SLC44A5: variants seen among roughly 807,000 people sequenced by gnomAD.
SLC44A5 encodes the protein choline transporter-like protein 5.
In SLC44A5, 57 loss-of-function variants were observed where a neutral mutation model predicts 101.8. The ratio of observed to expected loss-of-function variants is 0.56; its 90% CI spans 0.45 to 0.70. The LOEUF (loss-of-function observed/expected upper bound fraction) is 0.70, where lower values mean the gene tolerates loss of function less well. Ranked by LOEUF, SLC44A5 falls within the 30% of genes least tolerant of loss-of-function variation. The pLI is 0.00. For synonymous variants in SLC44A5, 281 were observed against 290.9 expected (o/e 0.97, Z 0.35); for missense variants, 737 against 853.1 (o/e 0.86, Z 1.70).
chr1:75,679,999 A>T, the SLC44A5 span, among the ~76,000 whole-genome samples: 1 of 152,342 alleles, frequency 6.6e-6, no homozygotes, highest in Middle Eastern at 3.4e-3. Flanking sequence ...ACCAACAAAG[A>T]TCAAAGAGAC....
At chr1:75,376,834 T>G (rs1557718884) in intron 3 of SLC44A5, among the ~76,000 whole-genome samples, 3 of 152,210 alleles carry the variant, frequency 2.0e-5, no homozygotes. Flanking sequence ...GGAGAATGAC[T>G]TTGACAAGCT....
At chr1:75,343,856 T>A (rs1287508991) in intron 3 of SLC44A5, among the ~76,000 whole-genome samples, 2 of 152,146 alleles carry the variant, frequency 1.3e-5, no homozygotes, top group African/African-American at 4.8e-5. Flanking sequence ...AAGAAAGGGT[T>A]CTGTTTTCCT....
intron 1 of SLC44A5, among the ~76,000 whole-genome samples, chr1:75,604,946 T>C (rs886827954): frequency 2.0e-5 from 3 of 152,000 alleles, no homozygotes; most frequent in African/African-American, 7.2e-5. Context: ...GGAGAGATAG[T>C]TTGACTTCTT....
chr1:75,687,172 T>C, the SLC44A5 span, among the ~76,000 whole-genome samples: 21 of 152,234 alleles, frequency 1.4e-4, 1 homozygote, highest in South Asian at 4.4e-3. Flanking sequence ...GACCTAGGTT[T>C]CACCTAGGAC....
At chr1:75,346,360 C>T (rs976279385) in intron 3 of SLC44A5, among the ~76,000 whole-genome samples, 1 of 152,044 alleles carries the variant, frequency 6.6e-6, no homozygotes, top group Non-Finnish European at 1.5e-5. Flanking sequence ...AAATAATTTG[C>T]TCTATATGAA....
intron 15 of SLC44A5, 62 bp downstream of exon 15, chr1:75,219,738 C>T: frequency 9.5e-7 from 1 of 1,050,604 alleles, no homozygotes; most frequent in Non-Finnish European, 1.5e-6. Context: ...TGAACACAAA[C>T]TCCTGGTTCA....
intron 2 of SLC44A5, among the ~76,000 whole-genome samples, chr1:75,505,273 C>G (rs1282514735): frequency 1.3e-5 from 2 of 152,014 alleles, no homozygotes; most frequent in African/African-American, 4.8e-5. Flanking sequence ...TAATGGGCAC[C>G]TAGTTTGATT....
chr1:75,230,110 A>G (rs1647411799), intron 12 of SLC44A5, among the ~76,000 whole-genome samples: 1 of 152,194 alleles, frequency 6.6e-6, no homozygotes, highest in South Asian at 2.1e-4. Flanking sequence ...TAGCTTATCA[A>G]TTAGTTTTTA....
chr1:75,496,613 A>AAC (rs1668688762), intron 2 of SLC44A5, among the ~76,000 whole-genome samples: 3 of 151,184 alleles, frequency 2.0e-5, no homozygotes, highest in African/African-American at 7.3e-5. Context: ...ACAACAACAA[A>AAC]AAAAAAAACA....
chr1:75,580,166 A>G (rs1019042887), intron 1 of SLC44A5, among the ~76,000 whole-genome samples: 2 of 152,236 alleles, frequency 1.3e-5, no homozygotes, highest in Admixed American at 1.3e-4. Context: ...TAGAATAAAA[A>G]TATTATATTT....
intron 2 of SLC44A5, among the ~76,000 whole-genome samples, chr1:75,515,194 G>T (rs1377968655): frequency 6.6e-6 from 1 of 152,084 alleles, no homozygotes; most frequent in African/African-American, 2.4e-5. Flanking sequence ...GGGTACAAAT[G>T]ATGTTATTAT....
chr1:75,257,739 G>A (rs1233759522), intron 6 of SLC44A5, among the ~76,000 whole-genome samples: 1 of 152,112 alleles, frequency 6.6e-6, no homozygotes, highest in Non-Finnish European at 1.5e-5. Context: ...GGTCTAAGAA[G>A]AAACAGCAAG....
chr1:75,677,742 C>A, the SLC44A5 span: 7 of 440,288 alleles, frequency 1.6e-5, no homozygotes, highest in Non-Finnish European at 2.7e-5. Context: ...ATAAAAAACA[C>A]ATTTCCAAGG....
intron 2 of SLC44A5, among the ~76,000 whole-genome samples, chr1:75,526,192 C>T (rs1194256214): frequency 6.6e-6 from 1 of 152,134 alleles, no homozygotes; most frequent in East Asian, 1.9e-4. Context: ...TTTCAGTTTC[C>T]GTCCCCTCCA....
chr1:75,689,812 C>T, the SLC44A5 span, among the ~76,000 whole-genome samples: 1 of 152,180 alleles, frequency 6.6e-6, no homozygotes, highest in African/African-American at 2.4e-5. Flanking sequence ...TAATAGCTAC[C>T]TTATTACTAC....
chr1:75,299,412 C>G (rs1654240283), intron 5 of SLC44A5, among the ~76,000 whole-genome samples: 2 of 152,214 alleles, frequency 1.3e-5, no homozygotes, highest in South Asian at 4.1e-4. Context: ...AAGTATTTCT[C>G]TTATTGGAAG....
At chr1:75,354,529 A>G (rs777721612) in intron 3 of SLC44A5, among the ~76,000 whole-genome samples, 11 of 152,158 alleles carry the variant, frequency 7.2e-5, no homozygotes, top group Non-Finnish European at 1.5e-4. Flanking sequence ...TTGAGCACCA[A>G]TAAAAAGCGT....
At chr1:75,324,126 A>G (rs190835659) in intron 4 of SLC44A5, among the ~76,000 whole-genome samples, 45 of 152,326 alleles carry the variant, frequency 3.0e-4, no homozygotes, top group African/African-American at 9.4e-4. Context: ...AAAAGAAATA[A>G]CAATCATCTG....
chr1:75,665,452 C>T, the SLC44A5 span, among the ~76,000 whole-genome samples: 2 of 152,134 alleles, frequency 1.3e-5, no homozygotes, highest in Non-Finnish European at 2.9e-5. Context: ...CAAAGATTAA[C>T]TCAAGATGGA....
Sources: allele counts gnomAD v4.1 joint callset (sites outside exome capture counted in the v4.1 genomes callset), GRCh38; gene constraint gnomAD v4.1.1; transcripts MANE v1.5; gene names NCBI Gene and HGNC (gene_info 2026-07-23, HGNC 2026-07-21).